ALK: variants seen among roughly 807,000 people sequenced by gnomAD.
ALK encodes ALK receptor tyrosine kinase.
In ALK, 74 loss-of-function variants were observed where a neutral mutation model predicts 163.1. The ratio of observed to expected loss-of-function variants is 0.45; its 90% CI spans 0.38 to 0.55. ALK has a LOEUF of 0.55. ALK is among the 20% of genes least tolerant of loss of function. The pLI is 0.00. For synonymous variants in ALK, 960 were observed against 843.2 expected, an observed-to-expected ratio of 1.14 and a Z score of -2.40; for missense variants, 2,063 against 2,105.3, an observed-to-expected ratio of 0.98 and a Z score of 0.39.
chr2:29,289,921 T>C (rs1421410606), intron 9 of ALK, among the ~76,000 whole-genome samples: 1 of 152,176 alleles, frequency 6.6e-6, no homozygotes, highest in Non-Finnish European at 1.5e-5. Context: ...CTGCTCCAGC[T>C]CCCAGGACTC....
intron 1 of ALK, among the ~76,000 whole-genome samples, chr2:29,759,532 T>A (rs1680641574): frequency 6.6e-6 from 1 of 152,212 alleles, no homozygotes; most frequent in African/African-American, 2.4e-5. Context: ...AGTGCAGGAA[T>A]CTTTCCCTTG....
In ALK at chr2:29,706,975, ATGTGTGTGTGTG is replaced by A. The variant is rs766564449; in HGVS notation, c.787+10591_787+10602del. Among the ~76,000 whole-genome samples the A allele has an allele frequency of 4.0e-3, 416 of 102,776 alleles. 2 individuals are homozygous for A. The highest frequency in any genetic ancestry group is 0.018 in the Middle Eastern group (3 of 166). The allele number at this position is 102,776 out of a possible 152,430, so 67.4% of individuals were successfully genotyped here. A position where few individuals can be genotyped will look rare whatever the true frequency, so the allele number is the denominator to read the frequency against. The stretch of plus-strand genomic sequence containing the variant: ...AATTTCCAGGAAACACTCATGCAGA[ATGTGTGTGTGTG>A]TGTGTGTGTGTGTGTGTGTGTGTGT... On this transcript the variant is annotated intron_variant, in intron 2 of 28. Coordinates refer to ENST00000389048, the MANE Select transcript of ALK (RefSeq NM_004304.5).
At chr2:29,339,064 G>A (rs1291174158) in intron 5 of ALK, among the ~76,000 whole-genome samples, 1 of 152,130 alleles carries the variant, frequency 6.6e-6, no homozygotes, top group Admixed American at 6.5e-5. Context: ...CCAACATGGC[G>A]AAACCCTGTC....
chr2:29,738,288 A>G (rs1031748623), intron 1 of ALK, among the ~76,000 whole-genome samples: 7 of 152,112 alleles, frequency 4.6e-5, no homozygotes, highest in Non-Finnish European at 1.0e-4. Context: ...GAGAAGGACC[A>G]AATGGATGCT....
rs1469164316 is a variant in ALK at position 29,239,670 on chromosome 2, G to A, written c.2355+10C>T. On this transcript the variant is annotated intron_variant, in intron 13 of 28. Coordinates refer to ENST00000389048, the MANE Select transcript of ALK (RefSeq NM_004304.5). ...AGTGCAGACGAGAAACCCCTGCTCTGGGCACTTACACTGGGGCAGGCGTCC... is the reference window on the plus strand; with the variant it reads ...AGTGCAGACGAGAAACCCCTGCTCTAGGCACTTACACTGGGGCAGGCGTCC... The A allele has an allele frequency of 6.2e-7, 1 of 1,613,566 alleles. No homozygotes were observed. Among genetic ancestry groups the A allele is most frequent in the Admixed American group, 1.7e-5 (1 of 60,014 alleles).
chr2:29,302,007 A>G (rs1666386841), intron 8 of ALK, among the ~76,000 whole-genome samples: 2 of 152,188 alleles, frequency 1.3e-5, no homozygotes, highest in Admixed American at 1.3e-4. Context: ...TCCTGCCCTC[A>G]TGGAGCTTAT....
At chr2:29,801,138 T>TA (rs1664458583) in intron 1 of ALK, among the ~76,000 whole-genome samples, 1 of 152,202 alleles carries the variant, frequency 6.6e-6, no homozygotes, top group South Asian at 2.1e-4. Flanking sequence ...TATGCTCCCC[T>TA]ACCTAGCTGA....
rs531812251 is a variant in ALK at position 29,907,476 on chromosome 2, C to T, written c.667+12517G>A. ...TGTTCCTGCTCTGTACAAGACACTC[C>T]GTGAATTGCTCTTGGTCCAACACAA... On this transcript the variant is annotated intron_variant, in intron 1 of 28. Transcript: ENST00000389048. 2.6e-5 allele frequency among the ~76,000 whole-genome samples: 4 copies of T among 152,272 alleles called. No individual in the cohort carries two copies. The South Asian group carries it at 6.2e-4, about 24-fold the overall frequency.
intron 1 of ALK, among the ~76,000 whole-genome samples, chr2:29,726,466 C>T (rs1174216375): frequency 6.6e-6 from 1 of 152,194 alleles, no homozygotes; most frequent in African/African-American, 2.4e-5. Context: ...AAACCAAGTC[C>T]ATCAACAAAA....
chr2:29,528,554 G>C (rs1260001851), intron 4 of ALK, among the ~76,000 whole-genome samples: 1 of 151,964 alleles, frequency 6.6e-6, no homozygotes, highest in Non-Finnish European at 1.5e-5. Flanking sequence ...TTCCTTACTG[G>C]ACTAGATGTT....
chr2:29,473,719 A>G (rs1331387817), intron 4 of ALK, among the ~76,000 whole-genome samples: 1 of 151,662 alleles, frequency 6.6e-6, no homozygotes, highest in African/African-American at 2.4e-5. Flanking sequence ...AAAAAAAAAT[A>G]CAAAAATTAG....
chr2:29,344,934 G>T (rs953562201), intron 5 of ALK, among the ~76,000 whole-genome samples: 1 of 152,200 alleles, frequency 6.6e-6, no homozygotes, highest in Admixed American at 6.5e-5. Context: ...ATAGTGACTT[G>T]TCTGTGTGAC....
At chr2:29,541,693 G>A (rs114772944) in intron 3 of ALK, among the ~76,000 whole-genome samples, 5,585 of 152,284 alleles carry the variant, frequency 0.037, 146 homozygotes, top group Non-Finnish European at 0.054. Flanking sequence ...TGGCTGCTTG[G>A]AGAGTCAGAA....
At chr2:29,461,667 G>T (rs1671086875) in intron 4 of ALK, among the ~76,000 whole-genome samples, 1 of 152,158 alleles carries the variant, frequency 6.6e-6, no homozygotes, top group East Asian at 1.9e-4. Context: ...TATGCTTGTT[G>T]ACAATGTACC....
At position 29,750,697 on chromosome 2, in the gene ALK, A is replaced by AAGGCAGGCAGGCAGGC. The variant is rs1398822511; in HGVS notation, c.668-33001_668-33000insGCCTGCCTGCCTGCCT. 4.6e-4 allele frequency among the ~76,000 whole-genome samples: 39 copies of AAGGCAGGCAGGCAGGC among 84,636 alleles called. 2 individuals are homozygous for AAGGCAGGCAGGCAGGC. Among genetic ancestry groups the AAGGCAGGCAGGCAGGC allele is most frequent in the African/African-American group, 1.4e-3 (38 of 26,568 alleles). The allele number at this position is 84,636 out of a possible 152,430, so 55.5% of individuals were successfully genotyped here. A position where few individuals can be genotyped will look rare whatever the true frequency, so the allele number is the denominator to read the frequency against. On this transcript the variant is annotated intron_variant, in intron 1 of 28. Coordinates refer to ENST00000389048, the MANE Select transcript of ALK (RefSeq NM_004304.5). The stretch of plus-strand genomic sequence containing the variant: ...GAAGGAAGGAAGGAAGGAAGGAAGG[A>AAGGCAGGCAGGCAGGC]AGGCAGGCAGGCAGGAAGGAAGGAA...
At chr2:29,374,063 T>C (rs1169787071) in intron 5 of ALK, among the ~76,000 whole-genome samples, 1 of 152,180 alleles carries the variant, frequency 6.6e-6, no homozygotes, top group Non-Finnish European at 1.5e-5. Context: ...AAGGCGCAGA[T>C]GGAAAGGCAA....
At chr2:29,477,334 A>C (rs553351403) in intron 4 of ALK, among the ~76,000 whole-genome samples, 13 of 152,302 alleles carry the variant, frequency 8.5e-5, no homozygotes, top group Admixed American at 8.5e-4. Flanking sequence ...CATTTACTTA[A>C]GCTTTCTGAG....
chr2:29,734,915 T>C (rs989035179), intron 1 of ALK, among the ~76,000 whole-genome samples: 2 of 152,184 alleles, frequency 1.3e-5, no homozygotes, highest in African/African-American at 4.8e-5. Flanking sequence ...GATAATCTTA[T>C]ACATTCCTGG....
chr2:29,678,252 A>G (rs1677945324), intron 3 of ALK, among the ~76,000 whole-genome samples: 1 of 151,862 alleles, frequency 6.6e-6, no homozygotes, highest in African/African-American at 2.4e-5. Flanking sequence ...CAAATAACAA[A>G]TTTTTGGGTT....
Sources: allele counts gnomAD v4.1 joint callset (sites outside exome capture counted in the v4.1 genomes callset), GRCh38; gene constraint gnomAD v4.1.1; transcripts MANE v1.5; gene names NCBI Gene and HGNC (gene_info 2026-07-23, HGNC 2026-07-21).